TAOK3: variants seen among roughly 807,000 people sequenced by gnomAD.
The protein encoded by TAOK3 is serine/threonine-protein kinase TAO3.
A neutral mutation model predicts 120.4 loss-of-function variants in TAOK3; 40 were observed. That is an observed-to-expected ratio of 0.33 (90% CI 0.26 to 0.43). The LOEUF (loss-of-function observed/expected upper bound fraction) is 0.43, where lower values mean the gene tolerates loss of function less well. Ranked by LOEUF, TAOK3 falls within the 20% of genes least tolerant of loss-of-function variation. The pLI, the probability that TAOK3 is intolerant of heterozygous loss-of-function variation, is 1.00. For synonymous variants in TAOK3, 355 were observed against 387.5 expected (o/e 0.92, Z 0.99); for missense variants, 821 against 1,112.1 (o/e 0.74, Z 3.72).
chr12:118,208,106 T>C (rs1227802269), intron 11 of TAOK3, among the ~76,000 whole-genome samples: 6 of 152,196 alleles, frequency 3.9e-5, no homozygotes, highest in African/African-American at 1.4e-4. Context: ...CATACGTTTT[T>C]CCTGCCCTTA....
intron 11 of TAOK3, among the ~76,000 whole-genome samples, chr12:118,211,647 A>T (rs1593172399): frequency 2.2e-5 from 3 of 136,092 alleles, no homozygotes; most frequent in African/African-American, 8.3e-5. Context: ...TGGTATTTTC[A>T]CTCTATTGCC....
At chr12:118,247,199 T>C (rs988792180) in intron 3 of TAOK3, among the ~76,000 whole-genome samples, 8 of 152,192 alleles carry the variant, frequency 5.3e-5, no homozygotes, top group East Asian at 1.9e-4. Flanking sequence ...CTACTTGCTA[T>C]TGTATTGAAC....
intron 20 of TAOK3, among the ~76,000 whole-genome samples, chr12:118,151,679 A>C (rs916510913): frequency 6.6e-6 from 1 of 152,196 alleles, no homozygotes; most frequent in Non-Finnish European, 1.5e-5. Flanking sequence ...AAGCAAATAA[A>C]TGCTTAACAG....
At chr12:118,319,049 T>C (rs973819130) in intron 1 of TAOK3, among the ~76,000 whole-genome samples, 3 of 152,132 alleles carry the variant, frequency 2.0e-5, no homozygotes, top group African/African-American at 7.2e-5. Context: ...GAGAATACAA[T>C]GGTGCTTTCC....
chr12:118,260,588 A>T (rs1057167332), intron 2 of TAOK3, among the ~76,000 whole-genome samples: 29 of 152,216 alleles, frequency 1.9e-4, no homozygotes, highest in African/African-American at 7.0e-4. Context: ...GTTGTATTCC[A>T]TATATTGAAA....
chr12:118,346,361 A>G (rs1337562619), intron 1 of TAOK3, among the ~76,000 whole-genome samples: 2 of 152,186 alleles, frequency 1.3e-5, no homozygotes, highest in East Asian at 1.9e-4. Flanking sequence ...CAGGGAAATT[A>G]TAATTTCAAA....
chr12:118,335,617 G>A (rs2044336682), intron 1 of TAOK3, among the ~76,000 whole-genome samples: 2 of 152,102 alleles, frequency 1.3e-5, no homozygotes, highest in Admixed American at 1.3e-4. Context: ...ATCAACTTGA[G>A]GTCAGGAGTT....
chr12:118,296,621 C>T (rs1339669801), intron 1 of TAOK3, among the ~76,000 whole-genome samples: 3 of 152,138 alleles, frequency 2.0e-5, no homozygotes, highest in African/African-American at 7.2e-5. Flanking sequence ...TTTTATTTTC[C>T]TGTAGCATGG....
intron 1 of TAOK3, among the ~76,000 whole-genome samples, chr12:118,363,985 G>T (rs1343527759): frequency 6.6e-6 from 1 of 152,042 alleles, no homozygotes; most frequent in African/African-American, 2.4e-5. Flanking sequence ...GCTGGGCATG[G>T]TGACGCATGC....
intron 1 of TAOK3, among the ~76,000 whole-genome samples, chr12:118,288,864 C>T (rs2042359252): frequency 6.9e-6 from 1 of 144,206 alleles, no homozygotes; most frequent in East Asian, 2.0e-4. Context: ...TGCAGTGAGC[C>T]GAGATTACAC....
chr12:118,345,971 A>G (rs2044840981), intron 1 of TAOK3, among the ~76,000 whole-genome samples: 1 of 152,204 alleles, frequency 6.6e-6, no homozygotes, highest in African/African-American at 2.4e-5. Flanking sequence ...AGTAAAAGAA[A>G]TAAAGCAGCA....
At chr12:118,331,797 A>G (rs1395347163) in intron 1 of TAOK3, among the ~76,000 whole-genome samples, 1 of 151,924 alleles carries the variant, frequency 6.6e-6, no homozygotes, top group Non-Finnish European at 1.5e-5. Flanking sequence ...TATGAAGGTA[A>G]AGTATGATTA....
chr12:118,292,299 C>T (rs1255343439), intron 1 of TAOK3, among the ~76,000 whole-genome samples: 2 of 152,116 alleles, frequency 1.3e-5, no homozygotes. Context: ...TGAACATTCA[C>T]TCATTGTTGC....
intron 1 of TAOK3, among the ~76,000 whole-genome samples, chr12:118,301,800 C>T (rs1265892517): frequency 1.4e-5 from 2 of 148,074 alleles, no homozygotes; most frequent in Non-Finnish European, 3.0e-5. Context: ...TGAGATTGTG[C>T]CACTGCACTC....
chr12:118,271,069 C>G (rs758305168), intron 1 of TAOK3, among the ~76,000 whole-genome samples: 14 of 152,134 alleles, frequency 9.2e-5, no homozygotes, highest in Non-Finnish European at 1.9e-4. Flanking sequence ...GCAAGTGCTT[C>G]TTCAGAGAAG....
At chr12:118,240,180 T>TC (rs2040186026) in intron 5 of TAOK3, among the ~76,000 whole-genome samples, 1 of 143,398 alleles carries the variant, frequency 7.0e-6, no homozygotes, top group South Asian at 2.2e-4. Flanking sequence ...TCTTTACTCT[T>TC]TTTTTTTTTT....
rs2036397416 is a variant in TAOK3 at position 118,177,179 on chromosome 12, GAACA to G, written c.1695+18_1695+21del. The G allele has an allele frequency of 6.2e-7, 1 of 1,609,942 alleles. No homozygotes were observed. Among genetic ancestry groups the G allele is most frequent in the East Asian group, 2.2e-5 (1 of 44,808 alleles). On this transcript the variant is annotated intron_variant, in intron 16 of 20. Transcript: ENST00000392533. ...AACCATTCTAATGGCAACTTGGTGA[GAACA>G]AACATTGGTATCCTTACCTCTTTTA...
chr12:118,233,713 C>A lies in TAOK3; in HGVS notation c.604G>T (p.Val202Phe). The A allele has an allele frequency of 6.2e-7, 1 of 1,610,704 alleles. No individual in the cohort carries two copies. The highest frequency in any genetic ancestry group is 8.5e-7 in the Non-Finnish European group (1 of 1,178,552). Residue 202 changes from valine to phenylalanine, a missense_variant, in exon 9 of 21, where the codon GTT becomes TTT. By Grantham distance (50) the Val-to-Phe change is conservative. This residue lies in a region of TAOK3 where 467 missense variants were observed against 540.0 expected (regional missense o/e 0.86). Coordinates refer to ENST00000392533, the MANE Select transcript of TAOK3 (RefSeq NM_016281.4). ...GTGATGCCAAGTGACCAAATATCAA[C>A]TTTCCCATCATACTGTCCTTCATCC... ...AMDEGQYDGK[V>F]DIWSLGITCI...
chr12:118,218,798 A>T (rs544476321), intron 9 of TAOK3, among the ~76,000 whole-genome samples: 1 of 152,234 alleles, frequency 6.6e-6, no homozygotes, highest in African/African-American at 2.4e-5. Context: ...TACTAAAAAT[A>T]CAAAATTAGC....
Sources: gnomAD v4.1 joint callset for allele counts (sites outside exome capture counted in the v4.1 genomes callset) on GRCh38, gnomAD v4.1.1 for gene constraint, gnomAD v4.1.1 regional missense constraint, MANE v1.5 for transcripts, NCBI Gene and HGNC (gene_info 2026-07-23, HGNC 2026-07-21) for gene names.